SHE: variants seen among roughly 807,000 people sequenced by gnomAD.
SHE encodes the protein SH2 domain-containing adapter protein E.
In SHE, 11 loss-of-function variants were observed where a neutral mutation model predicts 49.8. The ratio of observed to expected loss-of-function variants is 0.22; its 90% CI spans 0.14 to 0.37. SHE has a LOEUF of 0.37. Ranked by LOEUF, SHE falls within the 10% of genes least tolerant of loss-of-function variation. The pLI is 1.00. For missense variants in SHE, 624 were observed against 655.5 expected, an observed-to-expected ratio of 0.95 and a Z score of 0.52; for synonymous variants, 310 against 278.1, an observed-to-expected ratio of 1.11 and a Z score of -1.14.
chr1:154,489,129 C>T lies in SHE; in HGVS notation c.946G>A (p.Glu316Lys), dbSNP rs771934713. Residue 316 changes from glutamate to lysine, a missense_variant, in exon 3 of 6, where the codon GAG becomes AAG. Physicochemically the swap from Glu to Lys is moderately conservative, Grantham distance 56 (BLOSUM62 1). Transcript: ENST00000304760. ...KARPPDSRLPENDERPAAEYE... is the reference protein window; with the variant it reads ...KARPPDSRLPKNDERPAAEYE... ...TCTGCCGCGGGCCTCTCGTCGTTCTCGGGCAGCCGGCTGTCTGGGGGCCGC... is the reference window on the plus strand; with the variant it reads ...TCTGCCGCGGGCCTCTCGTCGTTCTTGGGCAGCCGGCTGTCTGGGGGCCGC... 11 of 1,613,624 alleles carry T rather than the reference C, an allele frequency of 6.8e-6. No homozygotes were observed. Among genetic ancestry groups the T allele is most frequent in the Admixed American group, 3.3e-5 (2 of 59,960 alleles).
chr1:154,471,532 C>A (rs1490366142), intron 1 of SHE, among the ~76,000 whole-genome samples: 4 of 152,150 alleles, frequency 2.6e-5, no homozygotes, highest in Admixed American at 6.5e-5. Flanking sequence ...CATAATTGTG[C>A]TACTGCGCTC....
chr1:154,488,521 G>C (rs1014182434), intron 3 of SHE, among the ~76,000 whole-genome samples: 3 of 152,098 alleles, frequency 2.0e-5, no homozygotes, highest in Non-Finnish European at 4.4e-5. Flanking sequence ...AGCTCCCAAA[G>C]TGCAGGGATT....
downstream of SHE, among the ~76,000 whole-genome samples, chr1:154,475,700 G>A (rs982606630): frequency 5.9e-5 from 9 of 152,214 alleles, no homozygotes; most frequent in African/African-American, 1.9e-4. Context: ...AGAAGTAGGT[G>A]GGGATCACAG....
chr1:154,475,548 T>C (rs935478595), downstream of SHE, among the ~76,000 whole-genome samples: 5 of 152,268 alleles, frequency 3.3e-5, no homozygotes, highest in African/African-American at 9.6e-5. Context: ...TGCTCTTTTT[T>C]CTTGTGTACA....
At chr1:154,495,005 T>C (rs377043048) in intron 2 of SHE, among the ~76,000 whole-genome samples, 74 of 152,310 alleles carry the variant, frequency 4.9e-4, no homozygotes, top group African/African-American at 1.4e-3. Context: ...TGAGCTGAGA[T>C]TGCACCACTG....
intron 1 of SHE, among the ~76,000 whole-genome samples, chr1:154,499,485 C>T (rs1341389881): frequency 1.3e-5 from 2 of 152,168 alleles, no homozygotes; most frequent in Admixed American, 6.5e-5. Context: ...TTATACCTCC[C>T]TTTATTTCTC....
downstream of SHE, among the ~76,000 whole-genome samples, chr1:154,477,638 C>T (rs1459151256): frequency 1.3e-5 from 2 of 152,144 alleles, no homozygotes. Context: ...TGCCTATAAT[C>T]TCAGCACTTT....
chr1:154,475,884 G>A (rs924016915), downstream of SHE, among the ~76,000 whole-genome samples: 1 of 151,724 alleles, frequency 6.6e-6, no homozygotes, highest in Non-Finnish European at 1.5e-5. Flanking sequence ...GAGGTGGATC[G>A]CTCCTGACCT....
rs1692075584 is a variant in SHE at position 154,483,426 on chromosome 1, C to T, written c.*723G>A. On this transcript the variant is annotated 3_prime_UTR_variant, in exon 6 of 6. Coordinates refer to ENST00000304760, the MANE Select transcript of SHE (RefSeq NM_001010846.3). ...CCAATAACGAGTCCAATATAACATC[C>T]TCTTCCAGTCTGCACCATCATGTGG... is the stretch of plus-strand genomic sequence containing the variant. 2 of 985,270 alleles carry T rather than the reference C, an allele frequency of 2.0e-6. No homozygotes were observed. The highest frequency in any genetic ancestry group is 3.5e-5 in the African/African-American group (2 of 57,216). The allele number at this position is 985,270 out of a possible 1,614,324, so 61.0% of individuals were successfully genotyped here. A position where few individuals can be genotyped will look rare whatever the true frequency, so the allele number is the denominator to read the frequency against.
At chr1:154,485,790 G>T in intron 5 of SHE, 153 bp downstream of exon 5, 1 of 816,070 alleles carries the variant, frequency 1.2e-6, no homozygotes, top group Non-Finnish European at 1.9e-6. Context: ...TCTCATCCAA[G>T]TGTCTCATGT....
At chr1:154,470,048 T>C in exon 2 of SHE, 1 of 330,072 alleles carries the variant, frequency 3.0e-6, no homozygotes, top group Non-Finnish European at 6.0e-6. Flanking sequence ...CACTCAAAGC[T>C]GGACTGAGAG....
chr1:154,501,538 G>C lies in SHE; in HGVS notation c.489C>G (p.Ser163Arg). The change falls in exon 1 of 6, where the codon AGC (serine) becomes AGG (arginine). Residue 163 changes from serine to arginine, a missense_variant. By Grantham distance (110) the Ser-to-Arg change is moderately radical (BLOSUM62 -1). Transcript: ENST00000304760. ...AGGAGCTGGAGCTGGAGCTACTGCTGCTGGGGTAGTTGCTCTTCCCGTTCT... is the reference window on the plus strand; with the variant it reads ...AGGAGCTGGAGCTGGAGCTACTGCTCCTGGGGTAGTTGCTCTTCCCGTTCT... ...QEKNGKSNYP[S>R]SSSSSSSSSS... 4.3e-6 allele frequency: 7 copies of C among 1,614,180 alleles called. No individual in the cohort carries two copies. Among genetic ancestry groups the C allele is most frequent in the Non-Finnish European group, 5.9e-6 (7 of 1,179,994 alleles).
chr1:154,486,469 T>C (rs1692185914), intron 4 of SHE, 58 bp downstream of exon 4: 5 of 1,594,344 alleles, frequency 3.1e-6, no homozygotes, highest in Admixed American at 1.7e-5. Context: ...TGCTCCCTGA[T>C]ACAAAGCTGT....
intron 3 of SHE, among the ~76,000 whole-genome samples, chr1:154,488,278 A>G (rs1459706289): frequency 6.6e-6 from 1 of 151,194 alleles, no homozygotes; most frequent in African/African-American, 2.4e-5. Flanking sequence ...ATTATTTTTG[A>G]GCCAGAGTCT....
Position 154,482,276 on chromosome 1 carries a change from A to T in SHE, c.*1873T>A, listed in dbSNP as rs1692041222. The T allele has an allele frequency of 1.0e-6, 1 of 970,012 alleles. No homozygotes were observed. The highest frequency in any genetic ancestry group is 1.8e-5 in the African/African-American group (1 of 56,928). The allele number at this position is 970,012 out of a possible 1,614,324, so 60.1% of individuals were successfully genotyped here. A position where few individuals can be genotyped will look rare whatever the true frequency, so the allele number is the denominator to read the frequency against. ...TGATCTGCCTGCCTCAGCCTCCCAAATTGTTGGGATTACGTGCATGAGCCA... is the reference window on the plus strand; with the variant it reads ...TGATCTGCCTGCCTCAGCCTCCCAATTTGTTGGGATTACGTGCATGAGCCA... On this transcript the variant is annotated 3_prime_UTR_variant, in exon 6 of 6. Coordinates refer to ENST00000304760, the MANE Select transcript of SHE (RefSeq NM_001010846.3).
In SHE at chr1:154,486,047, G is replaced by A. The variant is rs1455095333; in HGVS notation, c.1197C>T (p.Ala399=). Residue 399 remains alanine, a synonymous_variant, in exon 5 of 6, where the codon GCC becomes GCT. Transcript: ENST00000304760. ...GACTCTCAGCCTCAGCACGGCTGATGGCACCATGATACCAGCTGAAAAATG... is the reference window on the plus strand; with the variant it reads ...GACTCTCAGCCTCAGCACGGCTGATAGCACCATGATACCAGCTGAAAAATG... ...PLEKQPWYHG[A]ISRAEAESRL... 6.2e-7 allele frequency: 1 copy of A among 1,613,406 alleles called. No homozygotes were observed. The highest frequency in any genetic ancestry group is 1.1e-5 in the South Asian group (1 of 91,064).
rs1691978997 is a variant in SHE, at chr1:154,480,060, TAA to T, written c.*4087_*4088del. The T allele has an allele frequency of 8.1e-6, 8 of 985,150 alleles. No homozygotes were observed. The highest frequency in any genetic ancestry group is 9.6e-6 in the Non-Finnish European group (8 of 829,922). 61.0% of individuals were successfully genotyped at this position (985,150 alleles called of 1,614,324 possible). A position where few individuals can be genotyped will look rare whatever the true frequency, so the allele number is the denominator to read the frequency against. On this transcript the variant is annotated 3_prime_UTR_variant, in exon 6 of 6. Transcript: ENST00000304760. ...TTCACACAGGGTCAGCGGTGGAGGG[TAA>T]GTTGAACAGAAGGCCCACTGCACAG...
At position 154,480,184 on chromosome 1, in the gene SHE, G is replaced by C; in HGVS notation, c.*3965C>G. On this transcript the variant is annotated 3_prime_UTR_variant, in exon 6 of 6. Coordinates refer to ENST00000304760, the MANE Select transcript of SHE (RefSeq NM_001010846.3). ...AACCAGGTCATAAGGCCAAACTAGTGCTAGTTATGGAAAAATAGGAGACAA... is the reference window on the plus strand; with the variant it reads ...AACCAGGTCATAAGGCCAAACTAGTCCTAGTTATGGAAAAATAGGAGACAA... 1.0e-6 allele frequency: 1 copy of C among 985,416 alleles called. No homozygotes were observed. The highest frequency in any genetic ancestry group is 1.2e-6 in the Non-Finnish European group (1 of 829,946). 61.0% of individuals were successfully genotyped at this position (985,416 alleles called of 1,614,324 possible).
intron 1 of SHE, 52 bp from the exon 2 acceptor site, chr1:154,499,290 G>C: frequency 6.4e-7 from 1 of 1,569,376 alleles, no homozygotes; most frequent in South Asian, 1.1e-5. Flanking sequence ...ATACCAAAAT[G>C]GCAATGGTAT....
Sources: allele counts gnomAD v4.1 joint callset (sites outside exome capture counted in the v4.1 genomes callset), GRCh38; gene constraint gnomAD v4.1.1; transcripts MANE v1.5; gene names NCBI Gene and HGNC (gene_info 2026-07-23, HGNC 2026-07-21).